Variants in ZNRF3 observed in about 807,000 individuals in gnomAD.
The protein encoded by ZNRF3 is zinc and ring finger 3, also known as E3 ubiquitin-protein ligase ZNRF3.
ZNRF3 carries 23 observed loss-of-function variants against 72.5 expected under a neutral mutation model. The ratio of observed to expected loss-of-function variants is 0.32; its 90% CI spans 0.23 to 0.45. ZNRF3 has a LOEUF of 0.45. Among genes scored for constraint, ZNRF3 ranks in the 20% least tolerant of loss-of-function variants. ZNRF3 has a pLI of 1.00. For synonymous variants in ZNRF3, 610 were observed against 545.3 expected (o/e 1.12, Z -1.65); for missense variants, 1,169 against 1,272.1 (o/e 0.92, Z 1.23).
At chr22:28,900,138 G>C (rs1010129982) in intron 1 of ZNRF3, among the ~76,000 whole-genome samples, 3 of 152,100 alleles carry the variant, frequency 2.0e-5, no homozygotes, top group Admixed American at 2.0e-4. Context: ...TGACTGATTG[G>C]GGGAGGGAGA....
chr22:29,051,032 A>T lies in ZNRF3; in HGVS notation c.2767+84A>T. The T allele has an allele frequency of 2.8e-6, 4 of 1,414,794 alleles. No individual in the cohort carries two copies. The South Asian group carries it at 5.7e-5, about 20-fold the overall frequency. 87.6% of individuals were successfully genotyped at this position (1,414,794 alleles called of 1,614,324 possible). A position where few individuals can be genotyped will look rare whatever the true frequency, so the allele number is the denominator to read the frequency against. ...TTCTGTCTTAGGCATTTTCTGAATG[A>T]CTTCTTTTGTGTCCTTGGTTTTAAA... On this transcript the variant is annotated intron_variant, in intron 8 of 8. Transcript: ENST00000544604.
chr22:28,909,747 ATT>A (rs11432409), intron 1 of ZNRF3, among the ~76,000 whole-genome samples: 19 of 113,878 alleles, frequency 1.7e-4, no homozygotes, highest in Admixed American at 5.0e-4. Flanking sequence ...TGCCTGGCTA[ATT>A]TTTTTTTTTT....
chr22:28,955,368 A>G (rs1264860176), intron 1 of ZNRF3, among the ~76,000 whole-genome samples: 1 of 152,174 alleles, frequency 6.6e-6, no homozygotes, highest in Non-Finnish European at 1.5e-5. Context: ...GTAGTTTTTT[A>G]AAGGAAATAT....
chr22:28,983,555 G>A (rs1310232251), intron 1 of ZNRF3, among the ~76,000 whole-genome samples: 2 of 152,078 alleles, frequency 1.3e-5, no homozygotes, highest in African/African-American at 4.8e-5. Flanking sequence ...CACATCTGCC[G>A]CTCTCCCAAG....
intron 1 of ZNRF3, among the ~76,000 whole-genome samples, chr22:28,918,768 C>T (rs750801769): frequency 1.3e-5 from 2 of 152,132 alleles, no homozygotes; most frequent in African/African-American, 2.4e-5. Context: ...CAGCCCTGTT[C>T]TTGCTCCCTA....
At position 28,883,813 on chromosome 22, in the gene ZNRF3, G is replaced by A. The variant is rs1464069146; in HGVS notation, c.47G>A (p.Arg16His). 9.2e-6 allele frequency: 9 copies of A among 976,580 alleles called. No homozygotes were observed. Among genetic ancestry groups the A allele is most frequent in the African/African-American group, 1.8e-5 (1 of 55,922 alleles). The allele number at this position is 976,580 out of a possible 1,614,324, so 60.5% of individuals were successfully genotyped here. A position where few individuals can be genotyped will look rare whatever the true frequency, so the allele number is the denominator to read the frequency against. ...GGRPGATGRR[R>H]RRLRRRPRGL... ...CGCCCAGGGGCCACGGGCCGCCGCC[G>A]CCGCCGCCTGCGCCGCCGCCCCCGC... Residue 16 changes from arginine to histidine, a missense_variant, in exon 1 of 9, where the codon CGC (arginine) becomes CAC (histidine). Arg to His is a conservative substitution (Grantham distance 29). This residue lies in a region of ZNRF3 where 386 missense variants were observed against 540.7 expected (regional missense o/e 0.71). Transcript: ENST00000544604. This position sits in a 1 kb window ranked among gnomAD's most constrained non-coding sequence, Gnocchi z 5.5.
intron 1 of ZNRF3, among the ~76,000 whole-genome samples, chr22:28,978,055 C>T (rs2123819558): frequency 6.6e-6 from 1 of 152,308 alleles, no homozygotes; most frequent in Non-Finnish European, 1.5e-5. Flanking sequence ...CCATGATAGT[C>T]AGTCTCACTG....
chr22:29,014,117 G>T (rs896471025), intron 2 of ZNRF3, among the ~76,000 whole-genome samples: 1 of 151,996 alleles, frequency 6.6e-6, no homozygotes, highest in South Asian at 2.1e-4. Flanking sequence ...TGTCATTGCT[G>T]TAAAGTCACA....
At chr22:28,951,162 C>G (rs2035153723) in intron 1 of ZNRF3, among the ~76,000 whole-genome samples, 1 of 152,204 alleles carries the variant, frequency 6.6e-6, no homozygotes, top group Admixed American at 6.5e-5. Flanking sequence ...CTAATATCTT[C>G]TTATAGCGCC....
chr22:28,893,340 C>T (rs542879199), intron 1 of ZNRF3, among the ~76,000 whole-genome samples: 2 of 151,980 alleles, frequency 1.3e-5, no homozygotes, highest in East Asian at 3.9e-4. Flanking sequence ...CTGTAGATAC[C>T]GTATAGAGAA....
intron 1 of ZNRF3, among the ~76,000 whole-genome samples, chr22:28,913,693 T>C (rs2034359933): frequency 6.6e-6 from 1 of 152,214 alleles, no homozygotes; most frequent in African/African-American, 2.4e-5. Context: ...AGTGCTTCTC[T>C]TTGAAGAATT....
chr22:29,038,896 C>T (rs1014243434), intron 2 of ZNRF3, among the ~76,000 whole-genome samples: 2 of 152,114 alleles, frequency 1.3e-5, no homozygotes, highest in Admixed American at 6.6e-5. Context: ...GTCCTTAGAT[C>T]CTGTGCCTTT....
In ZNRF3 at chr22:28,975,370, C is replaced by T. The variant is rs190453005; in HGVS notation, c.301-11706C>T. On this transcript the variant is annotated intron_variant, in intron 1 of 8. Transcript: ENST00000544604. The stretch of plus-strand genomic sequence containing the variant: ...TACCAAAATTAGCCGGGAGTGGTGG[C>T]GGACGCCTGTAGTCCCAGCTACTCG... Among the ~76,000 whole-genome samples the T allele has an allele frequency of 4.9e-4, 74 of 151,966 alleles. 2 individuals are homozygous for T. The East Asian group carries it at 0.013, about 26-fold the overall frequency.
chr22:29,005,130 G>A (rs1466151499), intron 2 of ZNRF3, among the ~76,000 whole-genome samples: 5 of 152,178 alleles, frequency 3.3e-5, no homozygotes, highest in South Asian at 2.1e-4. Flanking sequence ...AGCTCTTAGC[G>A]CCATGTGCTT....
chr22:28,951,227 G>T (rs34578331), intron 1 of ZNRF3, among the ~76,000 whole-genome samples: 20,706 of 152,120 alleles, frequency 0.14, 2,016 homozygotes, highest in East Asian at 0.42. Context: ...GGGTTGAATT[G>T]TGTCCCCCCA....
At chr22:28,991,238 TGCCACTGCCCTCCA>T (rs945281926) in intron 2 of ZNRF3, among the ~76,000 whole-genome samples, 2 of 125,472 alleles carry the variant, frequency 1.6e-5, no homozygotes, top group Non-Finnish European at 3.1e-5. Context: ...GCTGAGATTG[TGCCACTGCCCTCCA>T]GCCTGGCCAA....
intron 2 of ZNRF3, among the ~76,000 whole-genome samples, chr22:29,020,785 GT>G (rs550592478): frequency 0.033 from 4,838 of 145,508 alleles, 206 homozygotes; most frequent in South Asian, 0.11. Flanking sequence ...GGGTGTGTGT[GT>G]GTGTGTGTGT....
chr22:29,003,570 A>G (rs2123845415), intron 2 of ZNRF3, among the ~76,000 whole-genome samples: 1 of 151,710 alleles, frequency 6.6e-6, no homozygotes, highest in East Asian at 1.9e-4. Context: ...AAGTGACTGA[A>G]GGCTCGTGCC....
intron 1 of ZNRF3, among the ~76,000 whole-genome samples, chr22:28,976,718 CTG>C (rs1431331431): frequency 6.6e-6 from 1 of 152,066 alleles, no homozygotes; most frequent in Admixed American, 6.5e-5. Flanking sequence ...TGAAGTAAAA[CTG>C]TGTGAGTGAA....
Sources: gnomAD v4.1 joint callset for allele counts (sites outside exome capture counted in the v4.1 genomes callset) on GRCh38, gnomAD v4.1.1 for gene constraint, gnomAD v4.1.1 regional missense constraint, Gnocchi (gnomAD v3.1) non-coding constraint, MANE v1.5 for transcripts, NCBI Gene and HGNC (gene_info 2026-07-23, HGNC 2026-07-21) for gene names.